Variants in CSMD1 observed in about 807,000 individuals in gnomAD.
CSMD1 encodes CUB and sushi domain-containing protein 1.
CSMD1 carries 213 observed loss-of-function variants against 417.5 expected under a neutral mutation model. That is an observed-to-expected ratio of 0.51 (90% CI 0.46 to 0.57). CSMD1 has a LOEUF of 0.57. Among genes scored for constraint, CSMD1 ranks in the 20% least tolerant of loss-of-function variants. The pLI is 0.00. For missense variants in CSMD1, 6,923 were observed against 4,529.7 expected, an observed-to-expected ratio of 1.53 and a Z score of -15.17; for synonymous variants, 2,862 against 1,736.8, an observed-to-expected ratio of 1.65 and a Z score of -16.11.
At chr8:4,240,426 C>G (rs1222573649) in intron 3 of CSMD1, among the ~76,000 whole-genome samples, 2 of 152,236 alleles carry the variant, frequency 1.3e-5, no homozygotes, top group Non-Finnish European at 1.5e-5. Context: ...TCCCTGTAGA[C>G]TTCAAGATTC....
chr8:4,317,164 T>C (rs117870815), intron 3 of CSMD1, among the ~76,000 whole-genome samples: 2,284 of 152,314 alleles, frequency 0.015, 27 homozygotes, highest in Non-Finnish European at 0.024. Context: ...AAATCCCTTG[T>C]AAAGTTTTAC....
intron 1 of CSMD1, among the ~76,000 whole-genome samples, chr8:4,880,460 G>A (rs1247913711): frequency 6.6e-6 from 1 of 152,060 alleles, no homozygotes; most frequent in Non-Finnish European, 1.5e-5. Context: ...TCTGAGAAGA[G>A]AGGAATTTCC....
chr8:4,790,306 A>G (rs1797624331), intron 1 of CSMD1, among the ~76,000 whole-genome samples: 1 of 152,226 alleles, frequency 6.6e-6, no homozygotes, highest in Non-Finnish European at 1.5e-5. Context: ...CGAGAATTAC[A>G]AAACAGAAAG....
intron 1 of CSMD1, among the ~76,000 whole-genome samples, chr8:4,795,128 G>A (rs56028095): frequency 0.12 from 18,849 of 151,806 alleles, 1,496 homozygotes; most frequent in Non-Finnish European, 0.17. Context: ...AATAACAACA[G>A]TAGACAGAAA....
intron 5 of CSMD1, among the ~76,000 whole-genome samples, chr8:3,992,834 G>C (rs1352922885): frequency 6.6e-6 from 1 of 152,220 alleles, no homozygotes; most frequent in East Asian, 1.9e-4. Context: ...CATTTTAATT[G>C]GTGGCACTGC....
intron 3 of CSMD1, among the ~76,000 whole-genome samples, chr8:4,100,494 T>A (rs752799592): frequency 6.6e-6 from 1 of 152,174 alleles, no homozygotes; most frequent in African/African-American, 2.4e-5. Context: ...CTTAGTCTCA[T>A]CAACTATAAA....
At chr8:4,518,536 T>C (rs2130381473) in intron 2 of CSMD1, among the ~76,000 whole-genome samples, 1 of 147,746 alleles carries the variant, frequency 6.8e-6, no homozygotes, top group South Asian at 2.2e-4. Context: ...AAACACCGCG[T>C]GCTCTCACTC....
At chr8:4,819,297 A>T (rs1307252937) in intron 1 of CSMD1, among the ~76,000 whole-genome samples, 4 of 152,160 alleles carry the variant, frequency 2.6e-5, no homozygotes, top group African/African-American at 9.7e-5. Context: ...TGTTCATATG[A>T]TTTACCAATT....
At chr8:3,404,418 A>T (rs1812227576) in intron 15 of CSMD1, among the ~76,000 whole-genome samples, 1 of 151,762 alleles carries the variant, frequency 6.6e-6, no homozygotes, top group Admixed American at 6.6e-5. Context: ...GGGCAGGATG[A>T]GGTGGTGAAG....
At chr8:4,583,872 C>A (rs1369757926) in intron 2 of CSMD1, among the ~76,000 whole-genome samples, 2 of 152,090 alleles carry the variant, frequency 1.3e-5, no homozygotes, top group African/African-American at 2.4e-5. Context: ...TTCTTTCACT[C>A]TTTGCAATAA....
intron 7 of CSMD1, among the ~76,000 whole-genome samples, chr8:3,694,238 T>C (rs1800421388): frequency 6.6e-6 from 1 of 152,062 alleles, no homozygotes; most frequent in Non-Finnish European, 1.5e-5. Flanking sequence ...GCCATAGCTC[T>C]GTCATGGAGT....
intron 1 of CSMD1, among the ~76,000 whole-genome samples, chr8:4,827,806 A>T (rs1585169816): frequency 2.6e-5 from 4 of 152,210 alleles, no homozygotes; most frequent in Admixed American, 2.0e-4. Context: ...CCCCTGGAAA[A>T]TTTTTACTGT....
chr8:4,673,266 C>G (rs1805443394), intron 1 of CSMD1, among the ~76,000 whole-genome samples: 1 of 152,146 alleles, frequency 6.6e-6, no homozygotes, highest in Non-Finnish European at 1.5e-5. Flanking sequence ...CTTATGAATT[C>G]TCATGAAAAA....
chr8:4,247,488 C>G (rs1012624946), intron 3 of CSMD1, among the ~76,000 whole-genome samples: 1 of 152,104 alleles, frequency 6.6e-6, no homozygotes, highest in Non-Finnish European at 1.5e-5. Context: ...TTTATGCAGG[C>G]TCATGTTTTC....
At chr8:3,900,534 A>G (rs1323096684) in intron 5 of CSMD1, among the ~76,000 whole-genome samples, 1 of 140,636 alleles carries the variant, frequency 7.1e-6, no homozygotes, top group African/African-American at 3.3e-5. Flanking sequence ...CAGCTGGGTG[A>G]CAGTGAAGCT....
rs199836458 is a variant in CSMD1, at chr8:3,982,197, A to AATAATAATAATAATATTAAT, written c.818+15705_818+15706insATTAATATTATTATTATTAT. On this transcript the variant is annotated intron_variant, in intron 5 of 69. Transcript: ENST00000635120. The stretch of plus-strand genomic sequence containing the variant: ...TAATAATAATAATAATAATATTAAT[A>AATAATAATAATAATATTAAT]AAAAAAATAATAATAATAAACTAGT... Among the ~76,000 whole-genome samples, 3 of 105,536 alleles carry AATAATAATAATAATATTAAT rather than the reference A, an allele frequency of 2.8e-5. No homozygotes were observed. The East Asian group carries it at 7.2e-4, about 25-fold the overall frequency. The allele number at this position is 105,536 out of a possible 152,430, so 69.2% of individuals were successfully genotyped here. A position where few individuals can be genotyped will look rare whatever the true frequency, so the allele number is the denominator to read the frequency against.
chr8:4,984,488 G>C (rs2924726), intron 1 of CSMD1, among the ~76,000 whole-genome samples: 2 of 151,996 alleles, frequency 1.3e-5, no homozygotes, highest in Admixed American at 1.3e-4. Context: ...CCTGCTTGAC[G>C]TTTCAACTGG....
chr8:4,203,244 T>C (rs1799769482), intron 3 of CSMD1, among the ~76,000 whole-genome samples: 1 of 152,158 alleles, frequency 6.6e-6, no homozygotes, highest in Non-Finnish European at 1.5e-5. Context: ...AGCTCAGGAA[T>C]GTTGGCAGCC....
intron 3 of CSMD1, among the ~76,000 whole-genome samples, chr8:4,047,918 A>G (rs944292142): frequency 2.0e-5 from 3 of 152,214 alleles, no homozygotes; most frequent in African/African-American, 7.2e-5. Flanking sequence ...TAGTATTATA[A>G]AAATTAGGAT....
Sources: allele counts gnomAD v4.1 joint callset (sites outside exome capture counted in the v4.1 genomes callset), GRCh38; gene constraint gnomAD v4.1.1; transcripts MANE v1.5; gene names NCBI Gene and HGNC (gene_info 2026-07-23, HGNC 2026-07-21).